The following HERC4 variants were observed in gnomAD, a reference collection of about 807,000 sequenced individuals.
The protein encoded by HERC4 is HECT and RLD domain containing E3 ubiquitin protein ligase 4.
In HERC4, 28 loss-of-function variants were observed where a neutral mutation model predicts 124.3. That is an observed-to-expected ratio of 0.23 (90% CI 0.17 to 0.31). HERC4 has a LOEUF of 0.31. HERC4 is among the 10% of genes least tolerant of loss of function. The pLI, the probability that HERC4 is intolerant of heterozygous loss-of-function variation, is 1.00. For missense variants in HERC4, 713 were observed against 1,229.3 expected (o/e 0.58, Z 6.28); for synonymous variants, 407 against 421.5 (o/e 0.97, Z 0.42).
chr10:68,052,399 G>A (rs1360506145), intron 3 of HERC4, among the ~76,000 whole-genome samples: 2 of 149,218 alleles, frequency 1.3e-5, no homozygotes, highest in East Asian at 1.9e-4. Context: ...TTTTAAAACA[G>A]TTAAAATGAT....
intron 4 of HERC4, among the ~76,000 whole-genome samples, chr10:68,042,579 T>G (rs995333745): frequency 1.3e-5 from 2 of 152,164 alleles, no homozygotes; most frequent in Non-Finnish European, 2.9e-5. Flanking sequence ...GCTGTGAGCA[T>G]GCCACTGCAC....
chr10:68,068,955 G>C, intron 3 of HERC4: 20 of 655,554 alleles, frequency 3.1e-5, no homozygotes, highest in Non-Finnish European at 3.8e-5. Context: ...TACTCCATTT[G>C]AAAGAATGTT....
intron 15 of HERC4, among the ~76,000 whole-genome samples, chr10:67,984,068 G>A (rs866116294): frequency 2.0e-5 from 3 of 152,140 alleles, no homozygotes; most frequent in Admixed American, 6.5e-5. Flanking sequence ...TTGGGAGGCT[G>A]AGGCAGGTGG....
chr10:67,952,695 G>A lies in HERC4; in HGVS notation c.2337+1900C>T, dbSNP rs1000307161. ...AGGTGGATCACAAGGTCAGGAGATCGAGACAATCCTGGCTAACACGGTGAA... is the reference window on the plus strand; with the variant it reads ...AGGTGGATCACAAGGTCAGGAGATCAAGACAATCCTGGCTAACACGGTGAA... On this transcript the variant is annotated intron_variant, in intron 19 of 24. Coordinates refer to ENST00000373700, the MANE Select transcript of HERC4 (RefSeq NM_015601.4). 3.9e-5 allele frequency among the ~76,000 whole-genome samples: 6 copies of A among 151,950 alleles called. No homozygotes were observed. The East Asian group carries it at 5.9e-4, about 15-fold the overall frequency.
rs574129712 is a variant in HERC4 at position 67,989,755 on chromosome 10, T to C, written c.1633+456A>G. Among the ~76,000 whole-genome samples, 31 of 151,978 alleles carry C rather than the reference T, an allele frequency of 2.0e-4. No homozygotes were observed. The South Asian group carries it at 5.8e-3, about 28-fold the overall frequency. Reference sequence around the variant, plus strand: ...TAGAAGTGCAAGATCAGATGAGCAATAAAATCTAGTCTATAGGCAGAAAAA... The same window carrying C: ...TAGAAGTGCAAGATCAGATGAGCAACAAAATCTAGTCTATAGGCAGAAAAA... On this transcript the variant is annotated intron_variant, in intron 14 of 24. Transcript: ENST00000373700.
chr10:67,970,684 T>C (rs771652083), intron 15 of HERC4, among the ~76,000 whole-genome samples: 2 of 151,384 alleles, frequency 1.3e-5, no homozygotes, highest in South Asian at 4.2e-4. Flanking sequence ...GACCCAAATG[T>C]TGGAGCTAGG....
At chr10:67,984,292 ACTCCATCT>A (rs1375516299) in intron 15 of HERC4, among the ~76,000 whole-genome samples, 2 of 143,564 alleles carry the variant, frequency 1.4e-5, no homozygotes, top group African/African-American at 5.5e-5. Flanking sequence ...ACAGAGTGAG[ACTCCATCT>A]CAAAAAAAAA....
intron 7 of HERC4, among the ~76,000 whole-genome samples, chr10:68,030,688 C>T (rs2133334390): frequency 6.6e-6 from 1 of 152,232 alleles, no homozygotes; most frequent in East Asian, 1.9e-4. Flanking sequence ...ATTAAAAGGT[C>T]ACAGTAAATG....
chr10:68,067,800 C>T (rs929424537), intron 3 of HERC4: 1 of 152,090 alleles, frequency 6.6e-6, no homozygotes, highest in African/African-American at 2.4e-5. Context: ...TCAACATAAA[C>T]CACAATAAAT....
Position 68,004,475 on chromosome 10 carries a change from C to T in HERC4, c.1069+9551G>A, listed in dbSNP as rs1411935332. On this transcript the variant is annotated intron_variant, in intron 9 of 24. Transcript: ENST00000373700. ...TCACTCAAGAAATTTTTGCCCAGAC[C>T]AATGTCCTGGAGAGTTTCCTCAGCT... 2.0e-5 allele frequency among the ~76,000 whole-genome samples: 3 copies of T among 152,168 alleles called. No individual in the cohort carries two copies. In the East Asian group the frequency reaches 5.8e-4, roughly 29 times the overall value.
intron 23 of HERC4, among the ~76,000 whole-genome samples, chr10:67,927,405 TA>T (rs1564910634): frequency 0.067 from 732 of 10,962 alleles, 32 homozygotes; most frequent in Middle Eastern, 0.15. Flanking sequence ...TATATATATA[TA>T]TATATATATA....
At chr10:68,029,242 G>C (rs2039065864) in intron 7 of HERC4, among the ~76,000 whole-genome samples, 1 of 152,140 alleles carries the variant, frequency 6.6e-6, no homozygotes, top group Non-Finnish European at 1.5e-5. Context: ...TATAATCCTA[G>C]CATTTTGGGA....
intron 19 of HERC4, among the ~76,000 whole-genome samples, chr10:67,949,317 T>C (rs935668938): frequency 1.3e-5 from 2 of 151,672 alleles, no homozygotes; most frequent in Non-Finnish European, 2.9e-5. Context: ...ATAAAAATCT[T>C]CCAACAAAGA....
At chr10:68,070,293 T>A (rs1426442536) in intron 3 of HERC4, 1 of 961,978 alleles carries the variant, frequency 1.0e-6, no homozygotes, top group Non-Finnish European at 1.2e-6. Flanking sequence ...TTCTTAAAAT[T>A]TAGTTAAAAA....
intron 4 of HERC4, among the ~76,000 whole-genome samples, chr10:68,042,898 A>C (rs2039841070): frequency 1.3e-5 from 2 of 152,238 alleles, no homozygotes; most frequent in South Asian, 4.1e-4. Flanking sequence ...ATCAAGCCAT[A>C]AAATTTTGAA....
At chr10:68,052,981 G>A (rs999317161) in intron 3 of HERC4, among the ~76,000 whole-genome samples, 11 of 152,128 alleles carry the variant, frequency 7.2e-5, no homozygotes, top group Admixed American at 6.6e-5. Context: ...TACAATGCAC[G>A]AAGAAACAGA....
At position 67,932,694 on chromosome 10, in the gene HERC4, T is replaced by C. The variant is rs778448649; in HGVS notation, c.2741A>G (p.Lys914Arg). The C allele has an allele frequency of 6.2e-7, 1 of 1,604,650 alleles. No individual in the cohort carries two copies. The highest frequency in any genetic ancestry group is 1.8e-5 in the Admixed American group (1 of 56,832). ...CAGAAGGACTTTTCCTCCACAGACC[T>C]TATGAAAGCCCGCATGAAAAGCATC... ...LFDAFHAGFH[K>R]VCGGKVLLLF... The change falls in exon 23 of 25, where the codon AAG becomes AGG. Residue 914 changes from lysine to arginine, a missense_variant. Physicochemically the swap from Lys to Arg is conservative, Grantham distance 26 (BLOSUM62 2). Coordinates refer to ENST00000373700, the MANE Select transcript of HERC4 (RefSeq NM_015601.4).
intron 3 of HERC4, among the ~76,000 whole-genome samples, chr10:68,046,328 T>A (rs1245212229): frequency 6.6e-6 from 1 of 152,204 alleles, no homozygotes; most frequent in Non-Finnish European, 1.5e-5. Context: ...TAAGTAAGAC[T>A]GCTTGGTTGG....
At chr10:67,969,807 G>T (rs2035122275) in intron 15 of HERC4, among the ~76,000 whole-genome samples, 1 of 152,126 alleles carries the variant, frequency 6.6e-6, no homozygotes, top group Non-Finnish European at 1.5e-5. Flanking sequence ...AGGAAGAGGG[G>T]AGGGAACTCT....
Sources: gnomAD v4.1 joint callset for allele counts (sites outside exome capture counted in the v4.1 genomes callset) on GRCh38, gnomAD v4.1.1 for gene constraint, MANE v1.5 for transcripts, NCBI Gene and HGNC (gene_info 2026-07-23, HGNC 2026-07-21) for gene names.